UBE2G1: variants seen among roughly 807,000 people sequenced by gnomAD.
The protein encoded by UBE2G1 is ubiquitin-conjugating enzyme E2 G1.
Under a neutral mutation model 22.7 loss-of-function variants are expected in UBE2G1, and 5 were observed. That is an observed-to-expected ratio of 0.22 (90% CI 0.12 to 0.46). The LOEUF (loss-of-function observed/expected upper bound fraction) is 0.46. UBE2G1 is among the 20% of genes least tolerant of loss of function. The pLI, the probability that UBE2G1 is intolerant of heterozygous loss-of-function variation, is 0.99. For synonymous variants in UBE2G1, 74 were observed against 67.5 expected (o/e 1.10, Z -0.47); for missense variants, 88 against 203.9 (o/e 0.43, Z 3.46).
At chr17:4,277,514 G>A (rs1968834529) in intron 5 of UBE2G1, among the ~76,000 whole-genome samples, 1 of 152,150 alleles carries the variant, frequency 6.6e-6, no homozygotes, top group Non-Finnish European at 1.5e-5. Context: ...CTACCCCACA[G>A]CTGAATTAGA....
intron 5 of UBE2G1, among the ~76,000 whole-genome samples, chr17:4,276,199 C>CT (rs987355801): frequency 4.0e-5 from 6 of 151,874 alleles, no homozygotes; most frequent in African/African-American, 9.7e-5. Flanking sequence ...CCCCCCCGCC[C>CT]TTTTTTTTGG....
chr17:4,359,736 C>A (rs1969945289), intron 1 of UBE2G1, among the ~76,000 whole-genome samples: 1 of 151,956 alleles, frequency 6.6e-6, no homozygotes. Context: ...CCTGTAGTCC[C>A]AGCTACTCAG....
chr17:4,302,399 C>A, intron 2 of UBE2G1: 1 of 502,714 alleles, frequency 2.0e-6, no homozygotes, highest in South Asian at 1.5e-5. Context: ...ATCTCCTATT[C>A]ATCGCTTGCC....
chr17:4,353,159 G>A (rs1266389229), intron 1 of UBE2G1, among the ~76,000 whole-genome samples: 1 of 151,722 alleles, frequency 6.6e-6, no homozygotes, highest in Non-Finnish European at 1.5e-5. Flanking sequence ...CGGAGGCTGC[G>A]GTGAGCCGAG....
intron 1 of UBE2G1, among the ~76,000 whole-genome samples, chr17:4,319,153 G>T (rs1336437763): frequency 1.3e-5 from 2 of 152,152 alleles, no homozygotes; most frequent in Admixed American, 6.5e-5. Context: ...ATATTAAAAT[G>T]TCATAAATCT....
At chr17:4,354,263 C>G (rs1969878826) in intron 1 of UBE2G1, among the ~76,000 whole-genome samples, 1 of 152,106 alleles carries the variant, frequency 6.6e-6, no homozygotes, top group African/African-American at 2.4e-5. Context: ...AATAACAACC[C>G]TAAAGCAGCT....
At chr17:4,335,274 C>A (rs1319783408) in intron 1 of UBE2G1, 5 of 151,996 alleles carry the variant, frequency 3.3e-5, no homozygotes, top group Non-Finnish European at 7.4e-5. Flanking sequence ...AGTTACTGAA[C>A]TTCAAGGATA....
chr17:4,295,734 T>A (rs1969102130), intron 3 of UBE2G1, among the ~76,000 whole-genome samples: 1 of 151,946 alleles, frequency 6.6e-6, no homozygotes, highest in South Asian at 2.1e-4. Context: ...TTATCTGGCC[T>A]AAACTTTGGG....
At chr17:4,310,726 T>C (rs1268657612) in intron 1 of UBE2G1, among the ~76,000 whole-genome samples, 1 of 152,106 alleles carries the variant, frequency 6.6e-6, no homozygotes, top group Non-Finnish European at 1.5e-5. Context: ...ACCAATCTTG[T>C]AGTATGTAGA....
intron 1 of UBE2G1, among the ~76,000 whole-genome samples, chr17:4,313,957 G>A (rs1199974965): frequency 6.6e-6 from 1 of 152,112 alleles, no homozygotes; most frequent in Non-Finnish European, 1.5e-5. Context: ...AATAATGCAT[G>A]AGCAGACTTG....
intron 1 of UBE2G1, among the ~76,000 whole-genome samples, chr17:4,311,839 T>C (rs563514332): frequency 1.6e-4 from 24 of 152,184 alleles, no homozygotes; most frequent in Non-Finnish European, 3.5e-4. Flanking sequence ...AGGGTAGAAA[T>C]CTGTTCATTC....
chr17:4,360,592 A>G (rs552058610), intron 1 of UBE2G1, among the ~76,000 whole-genome samples: 6 of 152,250 alleles, frequency 3.9e-5, no homozygotes, highest in Non-Finnish European at 8.8e-5. Context: ...GAAATATCAC[A>G]ACATATAATG....
chr17:4,364,960 C>T (rs1970015579), intron 1 of UBE2G1, among the ~76,000 whole-genome samples: 1 of 152,222 alleles, frequency 6.6e-6, no homozygotes, highest in Non-Finnish European at 1.5e-5. Flanking sequence ...CAAGCTAACT[C>T]CCCCTGAGCA....
Position 4,272,456 on chromosome 17 carries a change from A to T in UBE2G1, c.*98T>A, listed in dbSNP as rs546886345. The T allele has an allele frequency of 1.3e-4, 24 of 186,842 alleles. No homozygotes were observed. In the South Asian group the frequency reaches 3.4e-3, roughly 27 times the overall value. The allele number at this position is 186,842 out of a possible 1,614,324, so 11.6% of individuals were successfully genotyped here. On this transcript the variant is annotated 3_prime_UTR_variant, in exon 6 of 6. Transcript: ENST00000396981. Reference sequence around the variant, plus strand: ...CAGTGTTTGCCAACTTGTACAACAGAAGTCCAGCAATAGGTGGGTAGAGTG... The same window carrying T: ...CAGTGTTTGCCAACTTGTACAACAGTAGTCCAGCAATAGGTGGGTAGAGTG...
chr17:4,286,571 A>G (rs192859600), intron 4 of UBE2G1, among the ~76,000 whole-genome samples: 92 of 152,358 alleles, frequency 6.0e-4, no homozygotes, highest in African/African-American at 1.9e-3. Flanking sequence ...TCATATTTGC[A>G]TATTTCAACC....
Position 4,312,653 on chromosome 17 carries a change from G to A in UBE2G1, c.47-5530C>T, listed in dbSNP as rs553635963. ...GGAGCTTGCAATGAGCCGAGATCGC[G>A]CCACTGCACTCCAGCCTGGGCGATA... On this transcript the variant is annotated intron_variant, in intron 1 of 5. Transcript: ENST00000396981. Among the ~76,000 whole-genome samples the A allele has an allele frequency of 1.3e-4, 18 of 135,906 alleles. No individual in the cohort carries two copies. In the South Asian group the frequency reaches 1.4e-3, roughly 10 times the overall value. 89.2% of individuals were successfully genotyped at this position (135,906 alleles called of 152,430 possible). A position where few individuals can be genotyped will look rare whatever the true frequency, so the allele number is the denominator to read the frequency against.
intron 1 of UBE2G1, among the ~76,000 whole-genome samples, chr17:4,328,512 A>AC (rs1396721462): frequency 6.6e-6 from 1 of 152,176 alleles, no homozygotes; most frequent in African/African-American, 2.4e-5. Flanking sequence ...AGTGCCCTGT[A>AC]CCCTGACTAC....
At chr17:4,336,447 A>AT (rs1438249541) in intron 1 of UBE2G1, among the ~76,000 whole-genome samples, 1 of 152,328 alleles carries the variant, frequency 6.6e-6, no homozygotes, top group Admixed American at 6.5e-5. Flanking sequence ...GAAAAGGGTC[A>AT]TTTTTTATAA....
At chr17:4,330,848 C>T (rs1474747605) in intron 1 of UBE2G1, among the ~76,000 whole-genome samples, 1 of 151,800 alleles carries the variant, frequency 6.6e-6, no homozygotes, top group African/African-American at 2.4e-5. Flanking sequence ...CCCACCTTGG[C>T]CTCCCAAAGT....
Sources: gnomAD v4.1 joint callset for allele counts (sites outside exome capture counted in the v4.1 genomes callset) on GRCh38, gnomAD v4.1.1 for gene constraint, MANE v1.5 for transcripts, NCBI Gene and HGNC (gene_info 2026-07-23, HGNC 2026-07-21) for gene names.